The following MARCHF11 variants were observed in gnomAD, a reference collection of about 807,000 sequenced individuals.
The protein encoded by MARCHF11 is E3 ubiquitin-protein ligase MARCHF11.
Under a neutral mutation model 37.3 loss-of-function variants are expected in MARCHF11, and 29 were observed. The observed-to-expected ratio is 0.78, with a 90% confidence interval of 0.58 to 1.06. MARCHF11 has a LOEUF of 1.06. MARCHF11 is among the 50% of genes least tolerant of loss of function. MARCHF11 has a pLI of 0.00. For missense variants in MARCHF11, 482 were observed against 533.4 expected (o/e 0.90, Z 0.95); for synonymous variants, 233 against 228.0 (o/e 1.02, Z -0.20).
At chr5:16,081,251 T>C (rs1736603104) in intron 3 of MARCHF11, among the ~76,000 whole-genome samples, 1 of 152,324 alleles carries the variant, frequency 6.6e-6, no homozygotes, top group East Asian at 1.9e-4. Flanking sequence ...GGAATTGTTA[T>C]ATTCCAGGGC....
chr5:16,081,093 T>C (rs951493855), intron 3 of MARCHF11, among the ~76,000 whole-genome samples: 1 of 152,198 alleles, frequency 6.6e-6, no homozygotes, highest in African/African-American at 2.4e-5. Flanking sequence ...ATTCCTGCTC[T>C]TCCTTAAAAT....
At chr5:16,103,226 G>A (rs1361896697) in intron 2 of MARCHF11, among the ~76,000 whole-genome samples, 1 of 152,152 alleles carries the variant, frequency 6.6e-6, no homozygotes, top group Non-Finnish European at 1.5e-5. Context: ...ATCTGCTGTG[G>A]TCATCAAGTC....
chr5:16,088,170 C>T (rs546453051), intron 3 of MARCHF11, among the ~76,000 whole-genome samples: 1 of 152,168 alleles, frequency 6.6e-6, no homozygotes, highest in South Asian at 2.1e-4. Flanking sequence ...CCCATGAAAT[C>T]GGCCTGAAAC....
chr5:16,094,123 C>T (rs1307829073), intron 2 of MARCHF11, among the ~76,000 whole-genome samples: 1 of 152,180 alleles, frequency 6.6e-6, no homozygotes, highest in Non-Finnish European at 1.5e-5. Flanking sequence ...AGACAGCTAT[C>T]ATCTTGGTAA....
At chr5:16,092,538 G>T (rs1736804233) in intron 2 of MARCHF11, among the ~76,000 whole-genome samples, 2 of 152,074 alleles carry the variant, frequency 1.3e-5, no homozygotes, top group Admixed American at 1.3e-4. Context: ...TGAACAATGA[G>T]AACACATGGA....
At chr5:16,130,964 T>C (rs1200633437) in intron 2 of MARCHF11, among the ~76,000 whole-genome samples, 1 of 152,216 alleles carries the variant, frequency 6.6e-6, no homozygotes, top group Non-Finnish European at 1.5e-5. Flanking sequence ...GATATCTTCT[T>C]CATTTTAAGT....
intron 2 of MARCHF11, among the ~76,000 whole-genome samples, chr5:16,136,869 G>A (rs1234036837): frequency 1.3e-5 from 2 of 152,092 alleles, no homozygotes; most frequent in African/African-American, 4.8e-5. Flanking sequence ...TTCTTCATGG[G>A]TCTAAAGTGA....
intron 2 of MARCHF11, among the ~76,000 whole-genome samples, chr5:16,145,567 A>C (rs1409201096): frequency 6.6e-6 from 1 of 152,186 alleles, no homozygotes; most frequent in Non-Finnish European, 1.5e-5. Flanking sequence ...AAGCAGACTA[A>C]TAACAGTTCT....
At chr5:16,086,014 T>C (rs1156274615) in intron 3 of MARCHF11, among the ~76,000 whole-genome samples, 2 of 144,524 alleles carry the variant, frequency 1.4e-5, no homozygotes, top group African/African-American at 5.2e-5. Context: ...CTTCTCAGAA[T>C]TGTGCTAAAA....
chr5:16,081,673 A>C (rs1208374953), intron 3 of MARCHF11, among the ~76,000 whole-genome samples: 1 of 152,202 alleles, frequency 6.6e-6, no homozygotes, highest in African/African-American at 2.4e-5. Flanking sequence ...CCCCCAGTGA[A>C]AGAGACAACT....
Position 16,179,346 on chromosome 5 carries a change from C to T in MARCHF11, c.230G>A (p.Arg77Lys). ...EPLGEVAPRC[R>K]GADELPPPPL... Reference sequence around the variant, plus strand: ...CGGAGGCGGCAGCTCGTCCGCTCCCCTGCACCGCGGGGCCACCTCCCCTAG... The same window carrying T: ...CGGAGGCGGCAGCTCGTCCGCTCCCTTGCACCGCGGGGCCACCTCCCCTAG... The change falls in exon 1 of 4, where the codon AGG becomes AAG. Residue 77 changes from arginine (R) to lysine (K), a missense_variant. Arg to Lys is a conservative substitution (Grantham distance 26, BLOSUM62 2). Coordinates refer to ENST00000332432, the MANE Select transcript of MARCHF11 (RefSeq NM_001102562.3). 4.2e-6 allele frequency: 5 copies of T among 1,191,678 alleles called. No homozygotes were observed. Among genetic ancestry groups the T allele is most frequent in the African/African-American group, 1.6e-5 (1 of 62,186 alleles). The allele number at this position is 1,191,678 out of a possible 1,614,324, so 73.8% of individuals were successfully genotyped here. A position where few individuals can be genotyped will look rare whatever the true frequency, so the allele number is the denominator to read the frequency against.
At chr5:16,125,353 G>A (rs1016621397) in intron 2 of MARCHF11, among the ~76,000 whole-genome samples, 7 of 141,622 alleles carry the variant, frequency 4.9e-5, no homozygotes, top group South Asian at 2.2e-4. Context: ...ATCCAGAACC[G>A]AGATATCTCA....
intron 2 of MARCHF11, among the ~76,000 whole-genome samples, chr5:16,165,017 C>A (rs549435542): frequency 2.6e-5 from 4 of 152,072 alleles, no homozygotes; most frequent in Non-Finnish European, 5.9e-5. Flanking sequence ...ACATCTCCTA[C>A]GCTTCATCAC....
intron 2 of MARCHF11, among the ~76,000 whole-genome samples, chr5:16,142,117 GC>G (rs1453086936): frequency 2.0e-5 from 3 of 152,136 alleles, no homozygotes; most frequent in Non-Finnish European, 4.4e-5. Context: ...ATCAACTCAG[GC>G]CAAAATGACA....
At chr5:16,129,368 A>G (rs1410451627) in intron 2 of MARCHF11, 1 of 152,114 alleles carries the variant, frequency 6.6e-6, no homozygotes, top group Non-Finnish European at 1.5e-5. Context: ...GTTTGGTTAT[A>G]TTGGCATTGC....
intron 2 of MARCHF11, among the ~76,000 whole-genome samples, chr5:16,162,280 C>T (rs80232987): frequency 0.026 from 3,890 of 151,892 alleles, 179 homozygotes; most frequent in African/African-American, 0.089. Context: ...CTAGAACATG[C>T]TAGATATAAA....
At chr5:16,082,425 G>C (rs910033558) in intron 3 of MARCHF11, among the ~76,000 whole-genome samples, 1 of 152,166 alleles carries the variant, frequency 6.6e-6, no homozygotes, top group Non-Finnish European at 1.5e-5. Context: ...AGTCATGTCT[G>C]TGTGAGTAAC....
intron 2 of MARCHF11, among the ~76,000 whole-genome samples, chr5:16,102,017 C>T (rs1206535112): frequency 6.6e-6 from 1 of 152,192 alleles, no homozygotes; most frequent in African/African-American, 2.4e-5. Flanking sequence ...TGAATTGGCA[C>T]TGCTACCAAG....
intron 2 of MARCHF11, among the ~76,000 whole-genome samples, chr5:16,126,725 C>A (rs1737416166): frequency 1.3e-5 from 2 of 152,176 alleles, no homozygotes; most frequent in Non-Finnish European, 2.9e-5. Context: ...CAATGGGACA[C>A]ACAGGGTTAA....
Sources: gnomAD v4.1 joint callset for allele counts (sites outside exome capture counted in the v4.1 genomes callset) on GRCh38, gnomAD v4.1.1 for gene constraint, MANE v1.5 for transcripts, NCBI Gene and HGNC (gene_info 2026-07-23, HGNC 2026-07-21) for gene names.